The following DSCAM variants were observed in gnomAD, a reference collection of about 807,000 sequenced individuals.
DSCAM encodes the protein DS cell adhesion molecule, also known as cell adhesion molecule DSCAM.
DSCAM carries 47 observed loss-of-function variants against 217.7 expected under a neutral mutation model. The observed-to-expected ratio is 0.22, with a 90% CI of 0.17 to 0.28. The LOEUF is 0.28. DSCAM is among the 10% of genes least tolerant of loss of function. DSCAM has a pLI of 1.00. For synonymous variants in DSCAM, 1,056 were observed against 1,015.3 expected, an observed-to-expected ratio of 1.04 and a Z score of -0.76; for missense variants, 2,080 against 2,618.3, an observed-to-expected ratio of 0.79 and a Z score of 4.49.
At chr21:40,129,297 C>T (rs1335167883) in intron 19 of DSCAM, among the ~76,000 whole-genome samples, 3 of 152,230 alleles carry the variant, frequency 2.0e-5, no homozygotes, top group Non-Finnish European at 4.4e-5. Flanking sequence ...ACCAAGCATG[C>T]ACATATGTCC....
chr21:40,261,714 C>A (rs933749246), intron 11 of DSCAM, among the ~76,000 whole-genome samples: 1 of 150,108 alleles, frequency 6.7e-6, no homozygotes, highest in Non-Finnish European at 1.5e-5. Flanking sequence ...TACATATATA[C>A]CAATATAAAG....
intron 3 of DSCAM, among the ~76,000 whole-genome samples, chr21:40,651,223 G>T (rs1025628379): frequency 6.6e-6 from 1 of 152,184 alleles, no homozygotes; most frequent in Non-Finnish European, 1.5e-5. Context: ...CTAACACATG[G>T]ACGGCCTTGG....
At chr21:40,679,432 C>T (rs551195980) in intron 3 of DSCAM, among the ~76,000 whole-genome samples, 1 of 152,252 alleles carries the variant, frequency 6.6e-6, no homozygotes, top group East Asian at 1.9e-4. Flanking sequence ...AAGAAAGGAC[C>T]TTGGGTCACT....
chr21:40,061,817 G>A (rs1245511810), intron 28 of DSCAM, among the ~76,000 whole-genome samples: 2 of 152,118 alleles, frequency 1.3e-5, no homozygotes, highest in Admixed American at 6.5e-5. Context: ...ACAGGCAAAT[G>A]TGTTGGTGAT....
chr21:40,757,085 C>T (rs888561202), intron 1 of DSCAM, among the ~76,000 whole-genome samples: 12 of 151,876 alleles, frequency 7.9e-5, no homozygotes, highest in Admixed American at 3.3e-4. Context: ...AGTGCAGTGG[C>T]ATGATCTCGG....
At chr21:40,342,165 G>A (rs2074499486) in intron 6 of DSCAM, among the ~76,000 whole-genome samples, 1 of 151,874 alleles carries the variant, frequency 6.6e-6, no homozygotes, top group Non-Finnish European at 1.5e-5. Flanking sequence ...ATTTGTTGTG[G>A]AATACAACAA....
chr21:40,203,178 T>G (rs2091088525), intron 11 of DSCAM, among the ~76,000 whole-genome samples: 1 of 152,252 alleles, frequency 6.6e-6, no homozygotes, highest in African/African-American at 2.4e-5. Flanking sequence ...TATGGATGCA[T>G]GAACAACTTG....
chr21:40,602,506 T>TATAG (rs1282244260), intron 3 of DSCAM, among the ~76,000 whole-genome samples: 1 of 152,204 alleles, frequency 6.6e-6, no homozygotes, highest in Non-Finnish European at 1.5e-5. Context: ...CTTTCATTGA[T>TATAG]ATAGGCCCAT....
chr21:40,354,052 T>C (rs2074663958), intron 4 of DSCAM, among the ~76,000 whole-genome samples: 1 of 152,212 alleles, frequency 6.6e-6, no homozygotes, highest in Non-Finnish European at 1.5e-5. Flanking sequence ...AGATTGTCTT[T>C]TCATAACTGG....
chr21:40,044,048 A>G (rs762881483), intron 31 of DSCAM, 30 bp downstream of exon 31: 167 of 1,611,254 alleles, frequency 1.0e-4, no homozygotes, highest in Non-Finnish European at 1.4e-4. Flanking sequence ...GCTGGTCCCC[A>G]GGGACGGAGG....
chr21:40,359,825 A>T (rs1043618098), intron 4 of DSCAM, among the ~76,000 whole-genome samples: 2 of 152,270 alleles, frequency 1.3e-5, no homozygotes. Context: ...GGGTAGGAGG[A>T]ATCTTTTGGG....
At chr21:40,680,075 C>T (rs1377428005) in intron 3 of DSCAM, among the ~76,000 whole-genome samples, 1 of 152,074 alleles carries the variant, frequency 6.6e-6, no homozygotes, top group Non-Finnish European at 1.5e-5. Context: ...AGAACTTTAC[C>T]TATATTAATT....
intron 3 of DSCAM, among the ~76,000 whole-genome samples, chr21:40,388,640 A>ACC (rs530752570): frequency 2.0e-5 from 3 of 151,628 alleles, no homozygotes; most frequent in East Asian, 1.9e-4. Flanking sequence ...GCCATTTTAA[A>ACC]CCCCCCCTCC....
intron 1 of DSCAM, among the ~76,000 whole-genome samples, chr21:40,712,901 C>T (rs1405795668): frequency 6.6e-6 from 1 of 152,080 alleles, no homozygotes; most frequent in East Asian, 1.9e-4. Context: ...CAAACTGTGG[C>T]CCCCCTTCCA....
chr21:40,144,520 T>G lies in DSCAM; in HGVS notation c.3230A>C (p.Gln1077Pro). 2 of 1,614,158 alleles carry G rather than the reference T, an allele frequency of 1.2e-6. No homozygotes were observed. Among genetic ancestry groups the G allele is most frequent in the Non-Finnish European group, 1.7e-6 (2 of 1,180,014 alleles). Residue 1077 changes from glutamine to proline, a missense_variant, in exon 17 of 33, where the codon CAG becomes CCG. By Grantham distance (76) the Gln-to-Pro change is moderately conservative. Coordinates refer to ENST00000400454, the MANE Select transcript of DSCAM (RefSeq NM_001389.5). The surrounding 1 kb of genome is among the most constrained non-coding windows in gnomAD (Gnocchi z 4.8). The part of the protein sequence containing the change: ...CNRAGTGPSS[Q>P]EIITTTLEDV... ...CTCGAGAGTGGTGGTGATGATTTCCTGAGAAGAAGGCCCCGTGCCGGCCCG... is the reference window on the plus strand; with the variant it reads ...CTCGAGAGTGGTGGTGATGATTTCCGGAGAAGAAGGCCCCGTGCCGGCCCG...
chr21:40,051,547 C>T (rs1364041605), intron 30 of DSCAM, among the ~76,000 whole-genome samples: 1 of 152,122 alleles, frequency 6.6e-6, no homozygotes, highest in East Asian at 1.9e-4. Flanking sequence ...TTCTCATCTG[C>T]AGAATAGAGG....
intron 2 of DSCAM, among the ~76,000 whole-genome samples, chr21:40,694,810 G>A (rs1309835816): frequency 1.3e-5 from 2 of 151,818 alleles, no homozygotes; most frequent in African/African-American, 4.8e-5. Flanking sequence ...AAAGGCTCCT[G>A]CATAAGTAAA....
At chr21:40,165,943 C>G (rs1333182768) in intron 16 of DSCAM, among the ~76,000 whole-genome samples, 1 of 152,168 alleles carries the variant, frequency 6.6e-6, no homozygotes, top group East Asian at 1.9e-4. Flanking sequence ...CCAATGACAC[C>G]ACCTCCCACA....
At chr21:40,148,998 AC>A (rs946927077) in intron 16 of DSCAM, among the ~76,000 whole-genome samples, 3 of 152,088 alleles carry the variant, frequency 2.0e-5, no homozygotes, top group Admixed American at 1.3e-4. Flanking sequence ...CATCACTGTC[AC>A]TAAAAAGATG....
Sources: allele counts gnomAD v4.1 joint callset (sites outside exome capture counted in the v4.1 genomes callset), GRCh38; gene constraint gnomAD v4.1.1; non-coding constraint Gnocchi (gnomAD v3.1); transcripts MANE v1.5; gene names NCBI Gene and HGNC (gene_info 2026-07-23, HGNC 2026-07-21).